Variants in KLHL29 observed in about 807,000 individuals in gnomAD.
KLHL29 encodes the protein kelch like family member 29.
In KLHL29, 21 loss-of-function variants were observed where a neutral mutation model predicts 80.4. That is an observed-to-expected ratio of 0.26 (90% CI 0.19 to 0.38). The LOEUF is 0.38. KLHL29 is among the 10% of genes least tolerant of loss of function. The probability of loss-of-function intolerance (pLI) is 1.00; values close to 1 mark genes in which losing one functional copy is unlikely to be tolerated. For synonymous variants in KLHL29, 511 were observed against 526.8 expected (o/e 0.97, Z 0.41); for missense variants, 867 against 1,223.9 (o/e 0.71, Z 4.35).
At chr2:23,425,811 G>C (rs1014965963) in intron 1 of KLHL29, among the ~76,000 whole-genome samples, 1 of 152,202 alleles carries the variant, frequency 6.6e-6, no homozygotes. Context: ...TTTGTTCCTT[G>C]TACCATTTGT....
intron 1 of KLHL29, among the ~76,000 whole-genome samples, chr2:23,444,203 A>C (rs1367654247): frequency 6.6e-6 from 1 of 152,210 alleles, no homozygotes; most frequent in Admixed American, 6.5e-5. Context: ...CATTTAGTGG[A>C]TAGAGCTAGG....
chr2:23,678,662 A>G (rs931657538), intron 5 of KLHL29, among the ~76,000 whole-genome samples: 1 of 152,198 alleles, frequency 6.6e-6, no homozygotes, highest in Non-Finnish European at 1.5e-5. Flanking sequence ...CAGCAACCCA[A>G]GCGTCCATCA....
intron 2 of KLHL29, among the ~76,000 whole-genome samples, chr2:23,542,910 C>T (rs1031473543): frequency 2.6e-5 from 4 of 152,170 alleles, no homozygotes; most frequent in Non-Finnish European, 5.9e-5. Context: ...AAGTCACTCC[C>T]AACTGTCTGA....
intron 1 of KLHL29, among the ~76,000 whole-genome samples, chr2:23,458,424 A>G (rs1490333615): frequency 1.3e-5 from 2 of 152,222 alleles, no homozygotes; most frequent in African/African-American, 4.8e-5. Flanking sequence ...TGTTCCAGAA[A>G]GACTCTATTG....
chr2:23,450,417 C>T (rs771392914), intron 1 of KLHL29, among the ~76,000 whole-genome samples: 1 of 152,146 alleles, frequency 6.6e-6, no homozygotes, highest in Non-Finnish European at 1.5e-5. Flanking sequence ...TCTCCGGTGG[C>T]TGTGCTGTGA....
chr2:23,493,346 A>T (rs529253030), intron 2 of KLHL29, among the ~76,000 whole-genome samples: 1 of 152,050 alleles, frequency 6.6e-6, no homozygotes, highest in Non-Finnish European at 1.5e-5. Flanking sequence ...ATGCTTACAC[A>T]TATTTTCATT....
Position 23,541,765 on chromosome 2 carries a change from C to CAAAAAAAAAAAAAAAAA in KLHL29, c.-45-20381_-45-20380insAAAAAAAAAAAAAAAAA, listed in dbSNP as rs149080311. ...AAAGAGCTTTTAAAAAAGCCCAACC[C>CAAAAAAAAAAAAAAAAA]AAAAAACAAAAAAAAAAAAACCATA... is the stretch of plus-strand genomic sequence containing the variant. On this transcript the variant is annotated intron_variant, in intron 2 of 13. Coordinates refer to ENST00000486442, the MANE Select transcript of KLHL29 (RefSeq NM_052920.2). Among the ~76,000 whole-genome samples the CAAAAAAAAAAAAAAAAA allele has an allele frequency of 1.0e-3, 145 of 139,756 alleles. 3 individuals are homozygous for CAAAAAAAAAAAAAAAAA. The highest frequency in any genetic ancestry group is 3.9e-3 in the African/African-American group (132 of 34,116). The allele number at this position is 139,756 out of a possible 152,430, so 91.7% of individuals were successfully genotyped here.
In KLHL29 at chr2:23,647,659, A is replaced by G. The variant is rs1246201698; in HGVS notation, c.940+4809A>G. ...CGGTGCTGCCAGAGTGATTTTTCAA[A>G]ATGCAGGTCTGGCCCTGCCACACCC... On this transcript the variant is annotated intron_variant, in intron 5 of 13. Transcript: ENST00000486442. This position sits in a 1 kb window ranked among gnomAD's most constrained non-coding sequence, Gnocchi z 4.9. Among the ~76,000 whole-genome samples the G allele has an allele frequency of 6.6e-6, 1 of 151,986 alleles. No homozygotes were observed. Among genetic ancestry groups the G allele is most frequent in the Non-Finnish European group, 1.5e-5 (1 of 67,982 alleles).
At chr2:23,664,710 C>T (rs139557012) in intron 5 of KLHL29, among the ~76,000 whole-genome samples, 128 of 152,344 alleles carry the variant, frequency 8.4e-4, no homozygotes, top group African/African-American at 2.8e-3. Context: ...GCAGCACCCA[C>T]GGCTGTGCCC....
chr2:23,428,471 G>A (rs769186214), intron 1 of KLHL29, among the ~76,000 whole-genome samples: 5 of 151,982 alleles, frequency 3.3e-5, no homozygotes, highest in African/African-American at 1.2e-4. Flanking sequence ...TGGGTGTCCC[G>A]GTCTCAGCTC....
At chr2:23,534,654 C>A (rs1465688278) in intron 2 of KLHL29, among the ~76,000 whole-genome samples, 1 of 152,186 alleles carries the variant, frequency 6.6e-6, no homozygotes, top group East Asian at 1.9e-4. Flanking sequence ...CACAGCAGGG[C>A]CCAGCTCTGT....
chr2:23,562,382 G>T lies in KLHL29; in HGVS notation c.186G>T (p.Arg62=). The T allele has an allele frequency of 1.3e-6, 2 of 1,539,952 alleles. No homozygotes were observed. Among genetic ancestry groups the T allele is most frequent in the Admixed American group, 2.0e-5 (1 of 50,916 alleles). Residue 62 remains arginine, a synonymous_variant, in exon 3 of 14, where the codon CGG becomes CGT. Transcript: ENST00000486442. The surrounding 1 kb of genome is among the most constrained non-coding windows in gnomAD (Gnocchi z 4.5). ...GLLPLPVVPS[R]LPTPATAPAP... ...TGCCGCTGCCCGTGGTGCCCTCCCGGCTGCCCACCCCGGCTACAGCTCCTG... is the reference window on the plus strand; with the variant it reads ...TGCCGCTGCCCGTGGTGCCCTCCCGTCTGCCCACCCCGGCTACAGCTCCTG...
At chr2:23,497,244 C>A (rs1201853553) in intron 2 of KLHL29, among the ~76,000 whole-genome samples, 1 of 152,112 alleles carries the variant, frequency 6.6e-6, no homozygotes, top group Non-Finnish European at 1.5e-5. Context: ...AAGTAAGTGA[C>A]TCCTTTTTTG....
intron 5 of KLHL29, among the ~76,000 whole-genome samples, chr2:23,663,318 C>G (rs1362988699): frequency 1.3e-5 from 2 of 152,206 alleles, no homozygotes; most frequent in African/African-American, 4.8e-5. Flanking sequence ...TCCTCGCCTG[C>G]CTTACGCCCC....
intron 2 of KLHL29, among the ~76,000 whole-genome samples, chr2:23,554,412 T>C (rs1667228421): frequency 6.6e-6 from 1 of 152,204 alleles, no homozygotes; most frequent in South Asian, 2.1e-4. Context: ...CCACCTCGGC[T>C]TCCCTATCTG....
At chr2:23,523,256 C>T (rs1666163033) in intron 2 of KLHL29, among the ~76,000 whole-genome samples, 1 of 152,172 alleles carries the variant, frequency 6.6e-6, no homozygotes, top group East Asian at 1.9e-4. Flanking sequence ...CATGCCACAG[C>T]GAGAGCAGAA....
chr2:23,547,294 C>T (rs1485110729), intron 2 of KLHL29, among the ~76,000 whole-genome samples: 3 of 152,212 alleles, frequency 2.0e-5, no homozygotes, highest in African/African-American at 7.2e-5. Flanking sequence ...AGCCTGGGTC[C>T]GGCCAGAGCT....
At chr2:23,538,296 T>C (rs1666731447) in intron 2 of KLHL29, among the ~76,000 whole-genome samples, 1 of 152,204 alleles carries the variant, frequency 6.6e-6, no homozygotes, top group African/African-American at 2.4e-5. Context: ...GGACCACACT[T>C]TGAGAAACAA....
chr2:23,510,216 A>G (rs1446799050), intron 2 of KLHL29, among the ~76,000 whole-genome samples: 5 of 152,154 alleles, frequency 3.3e-5, no homozygotes, highest in Admixed American at 2.6e-4. Context: ...TCTAGTGGTT[A>G]TGGCAGGGGA....
Sources: gnomAD v4.1 joint callset for allele counts (sites outside exome capture counted in the v4.1 genomes callset) on GRCh38, gnomAD v4.1.1 for gene constraint, Gnocchi (gnomAD v3.1) non-coding constraint, MANE v1.5 for transcripts, NCBI Gene and HGNC (gene_info 2026-07-23, HGNC 2026-07-21) for gene names.